The following ZC3H4 variants were observed in gnomAD, a reference collection of about 807,000 sequenced individuals.
ZC3H4 encodes zinc finger CCCH-type containing 4.
Under a neutral mutation model 108.3 loss-of-function variants are expected in ZC3H4, and 13 were observed. The observed-to-expected ratio is 0.12, with a 90% CI of 0.08 to 0.19. The LOEUF (loss-of-function observed/expected upper bound fraction) is 0.19. Ranked by LOEUF, ZC3H4 falls within the 10% of genes least tolerant of loss-of-function variation. The pLI, the probability that ZC3H4 is intolerant of heterozygous loss-of-function variation, is 1.00. For missense variants in ZC3H4, 1,734 were observed against 1,838.8 expected (o/e 0.94, Z 1.04); for synonymous variants, 917 against 749.6 (o/e 1.22, Z -3.65).
At chr19:47,113,116 T>C (rs2058062247) in intron 1 of ZC3H4, among the ~76,000 whole-genome samples, 1 of 152,086 alleles carries the variant, frequency 6.6e-6, no homozygotes. Flanking sequence ...TGACACAAAA[T>C]GGCGGCTCGG....
intron 2 of ZC3H4, chr19:47,112,136 G>A: frequency 9.2e-7 from 1 of 1,090,210 alleles, no homozygotes; most frequent in Non-Finnish European, 1.1e-6. Flanking sequence ...GGTCCGAGGG[G>A]CGCCTCCTCA....
Position 47,067,306 on chromosome 19 carries a change from G to A in ZC3H4, c.2962C>T (p.Pro988Ser), listed in dbSNP as rs753219234. Residue 988 changes from proline to serine, a missense_variant, in exon 15 of 15, where the codon CCC (proline) becomes TCC (serine). Pro to Ser is a moderately conservative substitution (Grantham distance 74, BLOSUM62 -1). Transcript: ENST00000253048. This position sits in a 1 kb window ranked among gnomAD's most constrained non-coding sequence, Gnocchi z 6.4. ...LWNPEDLIPL[P>S]IPKQDAVPPV... ...GGCACTGCGTCCTGCTTGGGGATGG[G>A]TAGGGGGATCAGGTCCTCGGGATTC... 1.9e-6 allele frequency: 3 copies of A among 1,594,834 alleles called. No homozygotes were observed. The highest frequency in any genetic ancestry group is 2.6e-6 in the Non-Finnish European group (3 of 1,169,646).
intron 11 of ZC3H4, among the ~76,000 whole-genome samples, chr19:47,075,469 GT>G: frequency 6.6e-6 from 1 of 151,978 alleles, no homozygotes; most frequent in Non-Finnish European, 1.5e-5. Context: ...CTCCTCTTCA[GT>G]CCCCACTGCC....
intron 2 of ZC3H4, 104 bp downstream of exon 2, chr19:47,112,302 TTCCTCCTCCTCCTCCTCC>T: frequency 1.9e-6 from 2 of 1,051,826 alleles, no homozygotes; most frequent in Non-Finnish European, 2.4e-6. Flanking sequence ...GACCCCGCCC[TTCCTCCTCCTCCTCCTCC>T]TCCTCCTCCT....
At position 47,098,486 on chromosome 19, in the gene ZC3H4, CA is replaced by C. The variant is rs142251542; in HGVS notation, c.162-3879del. Among the ~76,000 whole-genome samples the C allele has an allele frequency of 3.3e-3, 330 of 100,244 alleles. 1 individual carries two copies. Among genetic ancestry groups the C allele is most frequent in the African/African-American group, 0.013 (258 of 19,642 alleles). 65.8% of individuals were successfully genotyped at this position (100,244 alleles called of 152,430 possible). A position where few individuals can be genotyped will look rare whatever the true frequency, so the allele number is the denominator to read the frequency against. Reference sequence around the variant, plus strand: ...TGCGAGACAGAGTGAAACTGTGTCTCAAAAAAAAAAAAAAAAAAACTAATCC... The same window carrying C: ...TGCGAGACAGAGTGAAACTGTGTCTCAAAAAAAAAAAAAAAAAACTAATCC... On this transcript the variant is annotated intron_variant, in intron 2 of 14. Transcript: ENST00000253048.
chr19:47,066,448 T>G lies in ZC3H4; in HGVS notation c.3820A>C (p.Asn1274His), dbSNP rs769086569. The G allele has an allele frequency of 2.5e-6, 4 of 1,579,888 alleles. No homozygotes were observed. The East Asian group carries it at 9.1e-5, about 36-fold the overall frequency. The change falls in exon 15 of 15, where the codon AAC (asparagine) becomes CAC (histidine). Residue 1274 changes from asparagine (N) to histidine (H), a missense_variant. Asn to His is a moderately conservative substitution (Grantham distance 68). Around this residue, in one of 9 missense-constraint regions of ZC3H4, gnomAD observed 518 missense variants for 499.6 expected, o/e 1.04. Coordinates refer to ENST00000253048, the MANE Select transcript of ZC3H4 (RefSeq NM_015168.2). ...KTGSGSPFAG[N>H]SPAREGEQDA... ...TGCTCACCCTCGCGGGCCGGACTGT[T>G]CCCAGCAAATGGGCTTCCTGAGCCC...
At position 47,072,017 on chromosome 19, in the gene ZC3H4, A is replaced by G; in HGVS notation, c.1907T>C (p.Met636Thr). 1.9e-6 allele frequency: 3 copies of G among 1,591,428 alleles called. No individual in the cohort carries two copies. Among genetic ancestry groups the G allele is most frequent in the Non-Finnish European group, 1.7e-6 (2 of 1,168,806 alleles). ...CATGTCAGGGTGCATGTCCGGGTGC[A>G]TGTCGGGGTGCATGTCAGGATGCAT... is the stretch of plus-strand genomic sequence containing the variant. ...GPMHPDMHPD[M>T]HPDMHPDMHA... Residue 636 changes from methionine (M) to threonine (T), a missense_variant, in exon 13 of 15, where the codon ATG (methionine) becomes ACG (threonine). Met to Thr is a moderately conservative substitution (Grantham distance 81, BLOSUM62 -1). Around this residue, in one of 9 missense-constraint regions of ZC3H4, gnomAD observed 540 missense variants for 484.1 expected, o/e 1.12. Transcript: ENST00000253048. The surrounding 1 kb of genome is among the most constrained non-coding windows in gnomAD (Gnocchi z 5.6).
chr19:47,109,006 C>T (rs1211271094), intron 2 of ZC3H4, among the ~76,000 whole-genome samples: 1 of 152,056 alleles, frequency 6.6e-6, no homozygotes, highest in Non-Finnish European at 1.5e-5. Context: ...CAAGTTAAAT[C>T]TCTCACCCAG....
At chr19:47,108,853 AT>A (rs1374826947) in intron 2 of ZC3H4, among the ~76,000 whole-genome samples, 1 of 152,100 alleles carries the variant, frequency 6.6e-6, no homozygotes, top group Non-Finnish European at 1.5e-5. Context: ...GGGGAACCGC[AT>A]TTTTTTCTTT....
rs879143957 is a variant in ZC3H4 at position 47,086,306 on chromosome 19, G to A, written c.870+78C>T. On this transcript the variant is annotated intron_variant, in intron 6 of 14. Coordinates refer to ENST00000253048, the MANE Select transcript of ZC3H4 (RefSeq NM_015168.2). ...TATGTCTTCCTACCTTGGCCTCACAGCCTCTACCAGCAGTGCTCACGCCCC... is the reference window on the plus strand; with the variant it reads ...TATGTCTTCCTACCTTGGCCTCACAACCTCTACCAGCAGTGCTCACGCCCC... 1.3e-5 allele frequency: 20 copies of A among 1,568,586 alleles called. No individual in the cohort carries two copies. In the South Asian group the frequency reaches 1.5e-4, roughly 12 times the overall value.
rs755303361 is a variant in ZC3H4 at position 47,081,539 on chromosome 19, C to G, written c.1414G>C (p.Glu472Gln). ...DCMFSHDPLT[E>Q]ETRELLDKML... The stretch of plus-strand genomic sequence containing the variant: ...TTATCCAAGAGCTCCCTCGTCTCTT[C>G]GGTCAGAGGGTCGTGGGAAAACATG... The change falls in exon 11 of 15, where the codon GAA becomes CAA. Residue 472 changes from glutamate to glutamine, a missense_variant. This residue lies in a region of ZC3H4 where 66 missense variants were observed against 166.8 expected (regional missense o/e 0.40). Transcript: ENST00000253048. 82 of 1,614,122 alleles carry G rather than the reference C, an allele frequency of 5.1e-5. No individual in the cohort carries two copies. The highest frequency in any genetic ancestry group is 6.7e-5 in the Non-Finnish European group (79 of 1,180,044).
chr19:47,092,901 G>A (rs1434299488), intron 4 of ZC3H4, among the ~76,000 whole-genome samples: 2 of 151,420 alleles, frequency 1.3e-5, no homozygotes, highest in Non-Finnish European at 2.9e-5. Flanking sequence ...ACGTGCCAAC[G>A]AATACTGGGT....
chr19:47,069,497 A>T (rs1430106697), intron 13 of ZC3H4, among the ~76,000 whole-genome samples, 154 bp from the exon 14 acceptor site: 2 of 152,190 alleles, frequency 1.3e-5, no homozygotes, highest in African/African-American at 4.8e-5. Flanking sequence ...AGGGGAACAG[A>T]GCGGCCCATG....
intron 4 of ZC3H4, among the ~76,000 whole-genome samples, chr19:47,090,788 G>C (rs567467267): frequency 4.9e-4 from 75 of 152,296 alleles, no homozygotes; most frequent in African/African-American, 1.7e-3. Flanking sequence ...AAAACCCAGA[G>C]AACTATACAA....
chr19:47,067,389 C>A lies in ZC3H4; in HGVS notation c.2879G>T (p.Ser960Ile). ...CAGGGTCACGTCCTTCTTGATGTGG[C>A]TGAACTGCTGCAGCTGTGACCGTGG... is the stretch of plus-strand genomic sequence containing the variant. ...RDPRSQLQQF[S>I]HIKKDVTLSK... Residue 960 changes from serine to isoleucine, a missense_variant, in exon 15 of 15, where the codon AGC becomes ATC. Ser to Ile is a moderately radical substitution (Grantham distance 142, BLOSUM62 -2). Coordinates refer to ENST00000253048, the MANE Select transcript of ZC3H4 (RefSeq NM_015168.2). The surrounding 1 kb of genome is among the most constrained non-coding windows in gnomAD (Gnocchi z 6.4). 1 of 1,609,276 alleles carries A rather than the reference C, an allele frequency of 6.2e-7. No homozygotes were observed. Among genetic ancestry groups the A allele is most frequent in the Non-Finnish European group, 8.5e-7 (1 of 1,177,320 alleles).
chr19:47,096,737 G>T, intron 2 of ZC3H4: 1 of 909,988 alleles, frequency 1.1e-6, no homozygotes, highest in Non-Finnish European at 1.3e-6. Flanking sequence ...AAAGCTGAGA[G>T]GGACATGATC....
chr19:47,077,263 G>C (rs1042268107), intron 11 of ZC3H4, among the ~76,000 whole-genome samples: 3 of 151,978 alleles, frequency 2.0e-5, no homozygotes, highest in Admixed American at 2.0e-4. Flanking sequence ...GAGGTCAGGT[G>C]TTCGAGACCA....
intron 1 of ZC3H4, chr19:47,113,203 T>G (rs1264779537): frequency 2.0e-5 from 3 of 152,638 alleles, no homozygotes; most frequent in Non-Finnish European, 4.4e-5. Flanking sequence ...GCGGAGGCCG[T>G]GTCACGTGCA....
At chr19:47,074,363 C>T (rs1051839423) in intron 11 of ZC3H4, among the ~76,000 whole-genome samples, 10 of 152,222 alleles carry the variant, frequency 6.6e-5, no homozygotes, top group African/African-American at 2.4e-4. Flanking sequence ...ACTGTTTCTT[C>T]CCTGCTATAT....
Sources: gnomAD v4.1 joint callset for allele counts (sites outside exome capture counted in the v4.1 genomes callset) on GRCh38, gnomAD v4.1.1 for gene constraint, gnomAD v4.1.1 regional missense constraint, Gnocchi (gnomAD v3.1) non-coding constraint, MANE v1.5 for transcripts, NCBI Gene and HGNC (gene_info 2026-07-23, HGNC 2026-07-21) for gene names.